Variants in SATB2 observed in about 807,000 individuals in gnomAD.
The protein encoded by SATB2 is SATB homeobox 2.
SATB2 carries 1 observed loss-of-function variant against 73.4 expected under a neutral mutation model. The ratio of observed to expected loss-of-function variants is 0.01; its 90% confidence interval spans 0.00 to 0.06. The LOEUF (loss-of-function observed/expected upper bound fraction) is 0.06. Among genes scored for constraint, SATB2 ranks in the 10% least tolerant of loss-of-function variants. SATB2 has a pLI of 1.00. For synonymous variants in SATB2, 397 were observed against 367.0 expected (o/e 1.08, Z -0.93); for missense variants, 459 against 945.8 (o/e 0.49, Z 6.75).
At chr2:199,276,821 G>A (rs530674590) in intron 10 of SATB2, among the ~76,000 whole-genome samples, 6 of 152,050 alleles carry the variant, frequency 3.9e-5, no homozygotes, top group Admixed American at 2.0e-4. Flanking sequence ...ACCTACTAAC[G>A]CCATGCATAC....
At chr2:199,427,622 T>A (rs926956790) in intron 3 of SATB2, among the ~76,000 whole-genome samples, 3 of 151,808 alleles carry the variant, frequency 2.0e-5, no homozygotes, top group East Asian at 1.9e-4. Context: ...GGGTGAGAAG[T>A]GGGTAGGGAA....
intron 9 of SATB2, among the ~76,000 whole-genome samples, chr2:199,309,283 A>AT (rs1687527810): frequency 1.3e-5 from 2 of 152,242 alleles, no homozygotes; most frequent in African/African-American, 4.8e-5. Context: ...GTCAGCTACA[A>AT]TTTTTTAAAA....
intron 10 of SATB2, among the ~76,000 whole-genome samples, chr2:199,306,730 T>C (rs969079413): frequency 6.6e-6 from 1 of 152,152 alleles, no homozygotes; most frequent in Non-Finnish European, 1.5e-5. Flanking sequence ...TTATGTTGAA[T>C]ATATTTTTAG....
At chr2:199,333,475 C>T (rs577123009) in intron 7 of SATB2, among the ~76,000 whole-genome samples, 15 of 152,010 alleles carry the variant, frequency 9.9e-5, no homozygotes, top group East Asian at 1.9e-4. Flanking sequence ...TATAAAGTTA[C>T]GATGAATATT....
chr2:199,357,094 C>T (rs764753047), intron 6 of SATB2, among the ~76,000 whole-genome samples: 4 of 152,154 alleles, frequency 2.6e-5, no homozygotes, highest in Middle Eastern at 3.2e-3. Context: ...GTCTGTATTC[C>T]GCTGCTTAAG....
chr2:199,313,172 AG>A (rs1036066086), intron 9 of SATB2, among the ~76,000 whole-genome samples: 1 of 152,184 alleles, frequency 6.6e-6, no homozygotes, highest in African/African-American at 2.4e-5. Flanking sequence ...TGTCAACATT[AG>A]GGGAAGATAG....
Position 199,463,886 on chromosome 2 carries a change from G to A in SATB2, c.-141+950C>T, listed in dbSNP as rs1416981139. 1.3e-5 allele frequency among the ~76,000 whole-genome samples: 2 copies of A among 152,206 alleles called. No homozygotes were observed. Among genetic ancestry groups the A allele is most frequent in the African/African-American group, 2.4e-5 (1 of 41,462 alleles). Reference sequence around the variant, plus strand: ...CCGCTCCCACCCCTCGTAGGGGCAGGCAAGCTCAGGCAGCCGGGTGCAAGG... The same window carrying A: ...CCGCTCCCACCCCTCGTAGGGGCAGACAAGCTCAGGCAGCCGGGTGCAAGG... On this transcript the variant is annotated intron_variant, in intron 1 of 11. Transcript: ENST00000260926. The surrounding 1 kb of genome is among the most constrained non-coding windows in gnomAD (Gnocchi z 6.4).
chr2:199,435,493 C>T lies in SATB2; in HGVS notation c.170-1979G>A, dbSNP rs557759762. 2.0e-5 allele frequency among the ~76,000 whole-genome samples: 3 copies of T among 152,138 alleles called. No individual in the cohort carries two copies. The East Asian group carries it at 5.8e-4, about 29-fold the overall frequency. ...CCTCCTGAGAAGCTGGGATTACAGG[C>T]GCCCGTCAACACGCCTGGCTAATTT... On this transcript the variant is annotated intron_variant, in intron 2 of 10. Coordinates refer to ENST00000417098, the MANE Select transcript of SATB2 (RefSeq NM_001172509.2).
intron 10 of SATB2, among the ~76,000 whole-genome samples, chr2:199,287,381 TAAG>T (rs1692721102): frequency 6.6e-6 from 1 of 152,150 alleles, no homozygotes; most frequent in East Asian, 1.9e-4. Flanking sequence ...ATACATTTAA[TAAG>T]AAGAGACATC....
intron 5 of SATB2, among the ~76,000 whole-genome samples, chr2:199,370,199 CT>C: frequency 6.6e-6 from 1 of 152,128 alleles, no homozygotes; most frequent in South Asian, 2.1e-4. Flanking sequence ...GAGATTCACT[CT>C]GTTCCTAGAC....
At chr2:199,380,180 C>T (rs1240402889) in intron 5 of SATB2, among the ~76,000 whole-genome samples, 184 bp downstream of exon 5, 3 of 152,160 alleles carry the variant, frequency 2.0e-5, no homozygotes, top group Admixed American at 6.5e-5. Context: ...TACCCCATGC[C>T]CGGTTAATAA....
intron 3 of SATB2, among the ~76,000 whole-genome samples, chr2:199,409,167 C>CTTT (rs67330007): frequency 6.1e-5 from 7 of 115,238 alleles, no homozygotes; most frequent in Admixed American, 9.9e-5. Context: ...TTTTTCTTTT[C>CTTT]TTTTTTTTTT....
At chr2:199,301,138 CAT>C (rs1411917983) in intron 10 of SATB2, among the ~76,000 whole-genome samples, 5 of 152,010 alleles carry the variant, frequency 3.3e-5, no homozygotes, top group African/African-American at 1.2e-4. Flanking sequence ...AGTCACTAAA[CAT>C]ATGTGACTAC....
At chr2:199,412,903 G>C (rs1387545414) in intron 3 of SATB2, among the ~76,000 whole-genome samples, 1 of 152,176 alleles carries the variant, frequency 6.6e-6, no homozygotes, top group Non-Finnish European at 1.5e-5. Flanking sequence ...GTAATAAGTT[G>C]TCACATCATA....
intron 3 of SATB2, among the ~76,000 whole-genome samples, chr2:199,406,525 C>G (rs114219925): frequency 6.6e-6 from 1 of 152,238 alleles, no homozygotes; most frequent in African/African-American, 2.4e-5. Flanking sequence ...TTCAACAGAG[C>G]CTTCTAAGAG....
At chr2:199,307,207 TC>T (rs1453396551) in intron 10 of SATB2, among the ~76,000 whole-genome samples, 3 of 152,184 alleles carry the variant, frequency 2.0e-5, no homozygotes, top group Non-Finnish European at 4.4e-5. Context: ...CATTAATCTG[TC>T]TGATATCAAA....
intron 2 of SATB2, among the ~76,000 whole-genome samples, chr2:199,452,241 A>C (rs1692145761): frequency 6.6e-6 from 1 of 152,142 alleles, no homozygotes; most frequent in Non-Finnish European, 1.5e-5. Flanking sequence ...AGCTGTCTGA[A>C]AGTTCTTCTT....
chr2:199,374,275 C>T (rs1689532906), intron 5 of SATB2, among the ~76,000 whole-genome samples: 1 of 152,146 alleles, frequency 6.6e-6, no homozygotes, highest in South Asian at 2.1e-4. Context: ...GCTTCAAAAA[C>T]ATGTCTACAC....
chr2:199,367,541 C>A (rs1689322665), intron 6 of SATB2, among the ~76,000 whole-genome samples: 1 of 152,142 alleles, frequency 6.6e-6, no homozygotes, highest in Non-Finnish European at 1.5e-5. Flanking sequence ...ACTTTGACAT[C>A]CTGTCTCCCC....
Sources: allele counts gnomAD v4.1 joint callset (sites outside exome capture counted in the v4.1 genomes callset), GRCh38; gene constraint gnomAD v4.1.1; non-coding constraint Gnocchi (gnomAD v3.1); transcripts MANE v1.5; gene names NCBI Gene and HGNC (gene_info 2026-07-23, HGNC 2026-07-21).